The following STXBP6 variants were observed in gnomAD, a reference collection of about 807,000 sequenced individuals.
STXBP6 encodes syntaxin-binding protein 6.
A neutral mutation model predicts 26.9 loss-of-function variants in STXBP6; 21 were observed. That is an observed-to-expected ratio of 0.78 (90% CI 0.55 to 1.12). STXBP6 has a LOEUF of 1.12. STXBP6 is among the 50% of genes most tolerant of loss of function. The pLI is 0.00. For synonymous variants in STXBP6, 97 were observed against 92.6 expected, an observed-to-expected ratio of 1.05 and a Z score of -0.27; for missense variants, 232 against 257.9, an observed-to-expected ratio of 0.90 and a Z score of 0.69.
At chr14:24,978,327 G>A (rs1049339447) in intron 1 of STXBP6, among the ~76,000 whole-genome samples, 2 of 152,180 alleles carry the variant, frequency 1.3e-5, no homozygotes, top group Non-Finnish European at 2.9e-5. Flanking sequence ...AATGCTCTGA[G>A]CCTAGAGAGG....
chr14:24,811,205 C>T lies in STXBP6; in HGVS notation c.*1504G>A, dbSNP rs1417409275. 1.3e-5 allele frequency: 2 copies of T among 152,124 alleles called. No homozygotes were observed. The highest frequency in any genetic ancestry group is 2.9e-5 in the Non-Finnish European group (2 of 68,044). 9.4% of individuals were successfully genotyped at this position (152,124 alleles called of 1,614,324 possible). A position where few individuals can be genotyped will look rare whatever the true frequency, so the allele number is the denominator to read the frequency against. On this transcript the variant is annotated 3_prime_UTR_variant, in exon 6 of 6. Transcript: ENST00000323944. ...TACCCCCAGTAGACAAACTTTCTCT[C>T]TCCTTGGGAATGCTTTATTAGGAGA... is the stretch of plus-strand genomic sequence containing the variant.
At chr14:24,863,583 G>C (rs1296193773) in intron 2 of STXBP6, among the ~76,000 whole-genome samples, 3 of 152,132 alleles carry the variant, frequency 2.0e-5, no homozygotes, top group Admixed American at 2.0e-4. Context: ...AATATCAAGA[G>C]ATATCAAGAG....
At chr14:24,894,087 GT>G (rs1208672462) in intron 2 of STXBP6, among the ~76,000 whole-genome samples, 1 of 152,176 alleles carries the variant, frequency 6.6e-6, no homozygotes, top group African/African-American at 2.4e-5. Context: ...TTTGAACATG[GT>G]TTTAGAAAAT....
rs533916697 is a variant in STXBP6, at chr14:24,916,878, T to G, written c.154+57787A>C. ...CATTCAAGTTTGAGAAGAACTGATTTAGAAAGCCAGTCCTTTTCAGAGTAT... is the reference window on the plus strand; with the variant it reads ...CATTCAAGTTTGAGAAGAACTGATTGAGAAAGCCAGTCCTTTTCAGAGTAT... On this transcript the variant is annotated intron_variant, in intron 2 of 5. Transcript: ENST00000323944. Among the ~76,000 whole-genome samples the G allele has an allele frequency of 6.8e-4, 104 of 152,236 alleles. 1 individual carries two copies. Among genetic ancestry groups the G allele is most frequent in the African/African-American group, 2.4e-3 (101 of 41,548 alleles).
chr14:24,869,945 A>G (rs1344129012), intron 2 of STXBP6, among the ~76,000 whole-genome samples: 1 of 152,158 alleles, frequency 6.6e-6, no homozygotes, highest in Non-Finnish European at 1.5e-5. Flanking sequence ...TGTCTACACT[A>G]TGAAGTATGG....
intron 1 of STXBP6, among the ~76,000 whole-genome samples, chr14:25,046,618 T>C (rs1447511117): frequency 1.3e-5 from 2 of 152,200 alleles, no homozygotes; most frequent in African/African-American, 2.4e-5. Flanking sequence ...CACTACATTA[T>C]GTAAACTTTA....
At chr14:25,016,248 T>G (rs188287943) in intron 1 of STXBP6, among the ~76,000 whole-genome samples, 8 of 152,342 alleles carry the variant, frequency 5.3e-5, no homozygotes, top group African/African-American at 1.9e-4. Context: ...TTCTATTTGT[T>G]TAGCCTCATC....
chr14:24,902,889 C>T (rs188301076), intron 2 of STXBP6, among the ~76,000 whole-genome samples: 7 of 152,208 alleles, frequency 4.6e-5, no homozygotes, highest in Admixed American at 3.3e-4. Flanking sequence ...AGTGGCAGGC[C>T]TTGGGTTAAA....
At chr14:24,990,151 G>A (rs989947346) in intron 1 of STXBP6, among the ~76,000 whole-genome samples, 7 of 152,192 alleles carry the variant, frequency 4.6e-5, no homozygotes, top group African/African-American at 1.7e-4. Context: ...TTAGAACTGT[G>A]TGTAGGAAAT....
At chr14:24,936,297 A>AAAAAC (rs1181397990) in intron 2 of STXBP6, among the ~76,000 whole-genome samples, 1 of 152,174 alleles carries the variant, frequency 6.6e-6, no homozygotes, top group African/African-American at 2.4e-5. Context: ...AAACAAAACA[A>AAAAAC]AAAACAAAAC....
chr14:25,003,292 G>A (rs1383077692), intron 1 of STXBP6, among the ~76,000 whole-genome samples: 1 of 152,182 alleles, frequency 6.6e-6, no homozygotes, highest in African/African-American at 2.4e-5. Context: ...ATACCAAGGA[G>A]AGCAGAGCCT....
At chr14:24,948,340 G>A (rs1057322013) in intron 2 of STXBP6, among the ~76,000 whole-genome samples, 2 of 94,688 alleles carry the variant, frequency 2.1e-5, no homozygotes, top group African/African-American at 9.3e-5. Flanking sequence ...TGCTCTTTAT[G>A]GACACTTTTC....
chr14:24,913,502 A>T lies in STXBP6; in HGVS notation c.155-56345T>A, dbSNP rs141012456. Among the ~76,000 whole-genome samples, 19 of 152,298 alleles carry T rather than the reference A, an allele frequency of 1.2e-4. No individual in the cohort carries two copies. In the East Asian group the frequency reaches 3.7e-3, roughly 29 times the overall value. ...CAAAAATTAAATTAACAATACAACA[A>T]CAACAACAACAACAAAGAATGGGTC... On this transcript the variant is annotated intron_variant, in intron 2 of 5. Coordinates refer to ENST00000323944, the MANE Select transcript of STXBP6 (RefSeq NM_001394410.1).
chr14:24,974,922 A>C, intron 1 of STXBP6, 72 bp from the exon 2 acceptor site: 1 of 992,560 alleles, frequency 1.0e-6, no homozygotes, highest in South Asian at 2.9e-5. Flanking sequence ...AATCAGCAGC[A>C]AGTGAATTTG....
chr14:24,879,984 C>T (rs988073255), intron 2 of STXBP6, among the ~76,000 whole-genome samples: 3 of 152,278 alleles, frequency 2.0e-5, no homozygotes, highest in Non-Finnish European at 2.9e-5. Flanking sequence ...TACTCCCTTT[C>T]GTCATCTATT....
At chr14:24,890,809 A>C (rs1463046682) in intron 2 of STXBP6, among the ~76,000 whole-genome samples, 1 of 152,248 alleles carries the variant, frequency 6.6e-6, no homozygotes, top group East Asian at 1.9e-4. Context: ...TATTCTTCAG[A>C]GGGAGCAGTG....
intron 2 of STXBP6, among the ~76,000 whole-genome samples, chr14:24,926,877 C>T (rs1394607200): frequency 1.3e-5 from 2 of 152,010 alleles, no homozygotes; most frequent in Non-Finnish European, 2.9e-5. Flanking sequence ...TATAATGCAA[C>T]ACTTAGAATT....
chr14:24,934,754 A>G (rs1466899876), intron 2 of STXBP6, among the ~76,000 whole-genome samples: 1 of 152,150 alleles, frequency 6.6e-6, no homozygotes, highest in Non-Finnish European at 1.5e-5. Context: ...GGGGCATAGG[A>G]GGAAAAATAA....
chr14:25,030,475 C>A (rs1264814093), intron 1 of STXBP6, among the ~76,000 whole-genome samples: 1 of 152,146 alleles, frequency 6.6e-6, no homozygotes, highest in Non-Finnish European at 1.5e-5. Flanking sequence ...TTAATCATGA[C>A]TCTAAGACCT....
Sources: gnomAD v4.1 joint callset for allele counts (sites outside exome capture counted in the v4.1 genomes callset) on GRCh38, gnomAD v4.1.1 for gene constraint, MANE v1.5 for transcripts, NCBI Gene and HGNC (gene_info 2026-07-23, HGNC 2026-07-21) for gene names.